ITPK1: variants seen among roughly 807,000 people sequenced by gnomAD.
ITPK1 encodes inositol-tetrakisphosphate 1-kinase, also known as inositol 1,3,4-trisphosphate 5/6-kinase.
ITPK1 carries 21 observed loss-of-function variants against 45.3 expected under a neutral mutation model. That is an observed-to-expected ratio of 0.46 (90% CI 0.33 to 0.67). ITPK1 has a LOEUF of 0.67. Among genes scored for constraint, ITPK1 ranks in the 30% least tolerant of loss-of-function variants. The pLI, the probability that ITPK1 is intolerant of heterozygous loss-of-function variation, is 0.02. For missense variants in ITPK1, 474 were observed against 573.5 expected, an observed-to-expected ratio of 0.83 and a Z score of 1.77; for synonymous variants, 258 against 253.6, an observed-to-expected ratio of 1.02 and a Z score of -0.16.
chr14:93,038,021 A>G (rs1369618072), intron 3 of ITPK1, among the ~76,000 whole-genome samples: 1 of 152,188 alleles, frequency 6.6e-6, no homozygotes, highest in Non-Finnish European at 1.5e-5. Flanking sequence ...TTAATTAACA[A>G]ACTATAAGGA....
At chr14:93,109,867 G>A (rs577982725) in intron 2 of ITPK1, among the ~76,000 whole-genome samples, 1 of 152,224 alleles carries the variant, frequency 6.6e-6, no homozygotes, top group Admixed American at 6.5e-5. Flanking sequence ...CCAAAACCAA[G>A]AACACTAAAT....
chr14:92,942,010 G>A (rs749630001), intron 10 of ITPK1, 106 bp from the exon 11 acceptor site: 286 of 970,612 alleles, frequency 2.9e-4, no homozygotes, highest in Non-Finnish European at 4.0e-4. Context: ...ATGAGGCAGG[G>A]TGTGCTGTCA....
Position 93,105,273 on chromosome 14 carries a change from G to C in ITPK1, c.95+9796C>G, listed in dbSNP as rs145054499. Among the ~76,000 whole-genome samples the C allele has an allele frequency of 4.1e-3, 623 of 152,272 alleles. 5 individuals carry two copies. The highest frequency in any genetic ancestry group is 0.014 in the African/African-American group (582 of 41,552). On this transcript the variant is annotated intron_variant, in intron 2 of 10. Coordinates refer to ENST00000267615, the MANE Select transcript of ITPK1 (RefSeq NM_014216.6). The stretch of plus-strand genomic sequence containing the variant: ...CTGGCTCCAGCAAACCTCCTGGAGG[G>C]GACCTGCCCCTGAGAAGTCTGAAAC...
chr14:93,035,497 A>G (rs1407581463), intron 3 of ITPK1, among the ~76,000 whole-genome samples: 1 of 152,042 alleles, frequency 6.6e-6, no homozygotes, highest in Non-Finnish European at 1.5e-5. Context: ...TCACCAGTGC[A>G]GACTGATGTG....
chr14:93,095,488 G>A (rs1051373283), intron 2 of ITPK1, among the ~76,000 whole-genome samples: 20 of 137,994 alleles, frequency 1.4e-4, no homozygotes, highest in Non-Finnish European at 2.3e-4. Flanking sequence ...GGAGGGATGG[G>A]AAGTAATGAA....
At chr14:92,942,780 G>T (rs1887497951) in intron 10 of ITPK1, among the ~76,000 whole-genome samples, 3 of 152,372 alleles carry the variant, frequency 2.0e-5, no homozygotes, top group South Asian at 4.1e-4. Flanking sequence ...CTCAGGGGAG[G>T]ATTCTGCTGG....
chr14:93,016,549 A>C lies in ITPK1; in HGVS notation c.246+127T>G. 9.2e-7 allele frequency: 1 copy of C among 1,086,398 alleles called. No homozygotes were observed. Among genetic ancestry groups the C allele is most frequent in the Non-Finnish European group, 1.3e-6 (1 of 750,372 alleles). 67.3% of individuals were successfully genotyped at this position (1,086,398 alleles called of 1,614,324 possible). ...CACGAGCCCATGTCTTGCCAGTGGC[A>C]GAGCCATTTCTCCAGACTATACCTC... On this transcript the variant is annotated intron_variant, in intron 4 of 10. Transcript: ENST00000267615. This position sits in a 1 kb window ranked among gnomAD's most constrained non-coding sequence, Gnocchi z 5.0.
intron 2 of ITPK1, among the ~76,000 whole-genome samples, chr14:93,088,983 G>A (rs941579275): frequency 2.6e-5 from 4 of 152,214 alleles, no homozygotes; most frequent in Non-Finnish European, 4.4e-5. Context: ...CCACAGCACT[G>A]TGTGACTTCC....
At chr14:92,980,199 A>G (rs948509653) in intron 5 of ITPK1, among the ~76,000 whole-genome samples, 1 of 152,190 alleles carries the variant, frequency 6.6e-6, no homozygotes, top group African/African-American at 2.4e-5. Flanking sequence ...TCGTGTTTAA[A>G]ATACAAGGCT....
intron 1 of ITPK1, 120 bp downstream of exon 1, chr14:93,115,652 T>G (rs1892921003): frequency 6.9e-6 from 1 of 144,476 alleles, no homozygotes; most frequent in Non-Finnish European, 1.5e-5. Flanking sequence ...GAGCCCTTCC[T>G]CCCTCCTCCT....
chr14:92,965,935 G>A (rs1398829101), intron 5 of ITPK1, among the ~76,000 whole-genome samples: 2 of 152,204 alleles, frequency 1.3e-5, no homozygotes, highest in Non-Finnish European at 2.9e-5. Context: ...TGCAGGAGGT[G>A]GAGGTTGACG....
chr14:92,964,288 G>A (rs1246382692), intron 5 of ITPK1, among the ~76,000 whole-genome samples: 3 of 152,084 alleles, frequency 2.0e-5, no homozygotes, highest in African/African-American at 4.8e-5. Flanking sequence ...AATCCCAAGC[G>A]GTCCCTGACA....
chr14:93,017,615 G>A (rs1008523074), intron 3 of ITPK1, among the ~76,000 whole-genome samples: 7 of 152,280 alleles, frequency 4.6e-5, no homozygotes, highest in South Asian at 2.1e-4. Flanking sequence ...CCCGGCACGC[G>A]GCCACCACCA....
intron 3 of ITPK1, chr14:93,071,331 G>A (rs1351737757): frequency 1.3e-5 from 2 of 152,286 alleles, no homozygotes; most frequent in Non-Finnish European, 2.9e-5. Flanking sequence ...AGGGCCTCTG[G>A]ACAGCCTGAG....
In ITPK1 at chr14:93,015,458, T is replaced by C. The variant is rs182389126; in HGVS notation, c.246+1218A>G. Among the ~76,000 whole-genome samples, 499 of 152,354 alleles carry C rather than the reference T, an allele frequency of 3.3e-3. 1 individual carries two copies. The highest frequency in any genetic ancestry group is 0.011 in the African/African-American group (476 of 41,576). On this transcript the variant is annotated intron_variant, in intron 4 of 10. Coordinates refer to ENST00000267615, the MANE Select transcript of ITPK1 (RefSeq NM_014216.6). ...CCAGCACACTCCTCCCAACATGGTC[T>C]GAGCTTTTCTTATTCCTAGCACCCA...
chr14:93,006,724 C>A (rs548209344), intron 4 of ITPK1, among the ~76,000 whole-genome samples: 3 of 152,286 alleles, frequency 2.0e-5, no homozygotes, highest in Non-Finnish European at 4.4e-5. Context: ...GCAGGAAGAC[C>A]CATGCAAAAC....
At chr14:93,079,168 C>A (rs188112840) in intron 2 of ITPK1, among the ~76,000 whole-genome samples, 15 of 152,198 alleles carry the variant, frequency 9.9e-5, no homozygotes, top group African/African-American at 3.6e-4. Flanking sequence ...AGATGGAACA[C>A]ATAAAATAAG....
chr14:93,076,565 A>C lies in ITPK1; in HGVS notation c.120+30T>G, dbSNP rs781244473. Reference sequence around the variant, plus strand: ...TGGGCACCAAGGGCCCCACTACCCAAAGAACCACGGGGACGCGGTCTGTAC... The same window carrying C: ...TGGGCACCAAGGGCCCCACTACCCACAGAACCACGGGGACGCGGTCTGTAC... On this transcript the variant is annotated intron_variant, in intron 3 of 10. Coordinates refer to ENST00000267615, the MANE Select transcript of ITPK1 (RefSeq NM_014216.6). This position sits in a 1 kb window ranked among gnomAD's most constrained non-coding sequence, Gnocchi z 4.3. 5 of 1,613,928 alleles carry C rather than the reference A, an allele frequency of 3.1e-6. No homozygotes were observed. In the South Asian group the frequency reaches 5.5e-5, roughly 18 times the overall value.
At chr14:92,957,372 C>T (rs902223656) in intron 8 of ITPK1, among the ~76,000 whole-genome samples, 4 of 152,226 alleles carry the variant, frequency 2.6e-5, no homozygotes, top group Non-Finnish European at 2.9e-5. Context: ...GTTTCCAGAA[C>T]GTGCCTTAGA....
Sources: gnomAD v4.1 joint callset for allele counts (sites outside exome capture counted in the v4.1 genomes callset) on GRCh38, gnomAD v4.1.1 for gene constraint, Gnocchi (gnomAD v3.1) non-coding constraint, MANE v1.5 for transcripts, NCBI Gene and HGNC (gene_info 2026-07-23, HGNC 2026-07-21) for gene names.